The following ABTB3 variants were observed in gnomAD, a reference collection of about 807,000 sequenced individuals.
ABTB3 encodes ankyrin repeat- and BTB/POZ domain-containing protein 3.
At chr12:107,377,944 G>T in the ABTB3 span, among the ~76,000 whole-genome samples, 1 of 152,142 alleles carries the variant, frequency 6.6e-6, no homozygotes, top group South Asian at 2.1e-4. Flanking sequence ...CACACTTGAC[G>T]CTCAAGAAGG....
chr12:107,490,577 C>T, the ABTB3 span, among the ~76,000 whole-genome samples: 12 of 152,150 alleles, frequency 7.9e-5, no homozygotes, highest in East Asian at 1.9e-3. Context: ...CCTAGGAATC[C>T]GACTGGAACA....
the ABTB3 span, among the ~76,000 whole-genome samples, chr12:107,394,703 C>A: frequency 6.6e-6 from 1 of 152,216 alleles, no homozygotes; most frequent in African/African-American, 2.4e-5. Context: ...GGTTGTTTTG[C>A]TATTTAAATA....
At chr12:107,449,047 C>T in the ABTB3 span, among the ~76,000 whole-genome samples, 1 of 152,228 alleles carries the variant, frequency 6.6e-6, no homozygotes, top group Non-Finnish European at 1.5e-5. Flanking sequence ...TGGCTGGAGC[C>T]AGGTGCCTGG....
the ABTB3 span, chr12:107,580,763 G>A: frequency 7.0e-7 from 1 of 1,426,914 alleles, no homozygotes; most frequent in Non-Finnish European, 9.3e-7. Context: ...AACACGGGGC[G>A]CTGATTGGTT....
At chr12:107,564,090 C>CTGTGTG in the ABTB3 span, among the ~76,000 whole-genome samples, 7,261 of 126,108 alleles carry the variant, frequency 0.058, 231 homozygotes, top group South Asian at 0.07. Flanking sequence ...ATCTATCTCT[C>CTGTGTG]TGTGTGTGTG....
chr12:107,497,658 T>C, the ABTB3 span, among the ~76,000 whole-genome samples: 1 of 152,188 alleles, frequency 6.6e-6, no homozygotes, highest in Admixed American at 6.5e-5. Context: ...TTCTGTTGGA[T>C]GATGGATGAT....
chr12:107,515,824 A>G, the ABTB3 span, among the ~76,000 whole-genome samples: 1 of 152,156 alleles, frequency 6.6e-6, no homozygotes, highest in Admixed American at 6.5e-5. Context: ...GAAATGGTGA[A>G]TCTGTGTCAT....
the ABTB3 span, among the ~76,000 whole-genome samples, chr12:107,541,867 A>G: frequency 6.6e-6 from 1 of 152,052 alleles, no homozygotes; most frequent in Non-Finnish European, 1.5e-5. Flanking sequence ...GCGACATGCA[A>G]TTTACTCATG....
the ABTB3 span, among the ~76,000 whole-genome samples, chr12:107,567,800 T>C: frequency 3.9e-5 from 6 of 152,222 alleles, no homozygotes; most frequent in Non-Finnish European, 8.8e-5. Flanking sequence ...ATCTAATGCC[T>C]GATGATCTGA....
chr12:107,373,722 G>A, the ABTB3 span, among the ~76,000 whole-genome samples: 5 of 152,202 alleles, frequency 3.3e-5, no homozygotes, highest in African/African-American at 1.2e-4. Context: ...ACACAGCCAG[G>A]AAGTGATGGA....
At chr12:107,379,068 T>G in the ABTB3 span, among the ~76,000 whole-genome samples, 2 of 152,354 alleles carry the variant, frequency 1.3e-5, no homozygotes, top group African/African-American at 4.8e-5. Flanking sequence ...CTGAATGACC[T>G]TAGGCAATTT....
chr12:107,496,264 C>T, the ABTB3 span, among the ~76,000 whole-genome samples: 5 of 152,284 alleles, frequency 3.3e-5, no homozygotes, highest in Admixed American at 3.3e-4. Context: ...TCCCAGCACT[C>T]CCACCAGGTG....
At chr12:107,463,195 T>C in the ABTB3 span, among the ~76,000 whole-genome samples, 1 of 150,718 alleles carries the variant, frequency 6.6e-6, no homozygotes, top group South Asian at 2.1e-4. Flanking sequence ...TGGGTGATGA[T>C]GATGTAGTGA....
the ABTB3 span, among the ~76,000 whole-genome samples, chr12:107,331,430 T>G: frequency 2.6e-5 from 4 of 152,268 alleles, no homozygotes; most frequent in South Asian, 8.3e-4. Context: ...GAGTGTTTGA[T>G]GGGGACAAAG....
chr12:107,446,538 C>T, the ABTB3 span, among the ~76,000 whole-genome samples: 1 of 152,106 alleles, frequency 6.6e-6, no homozygotes, highest in Non-Finnish European at 1.5e-5. Context: ...CACTTTCTCC[C>T]CTGTGTCCCT....
the ABTB3 span, among the ~76,000 whole-genome samples, chr12:107,490,081 T>C: frequency 6.6e-6 from 1 of 152,200 alleles, no homozygotes; most frequent in South Asian, 2.1e-4. Flanking sequence ...GCTCCACTCA[T>C]AGGTGGATCT....
At chr12:107,376,361 T>G in the ABTB3 span, among the ~76,000 whole-genome samples, 2 of 152,278 alleles carry the variant, frequency 1.3e-5, no homozygotes, top group Admixed American at 6.5e-5. Flanking sequence ...GAGTATATAT[T>G]TGATGAATGG....
the ABTB3 span, among the ~76,000 whole-genome samples, chr12:107,530,735 T>A: frequency 6.6e-6 from 1 of 152,246 alleles, no homozygotes; most frequent in Non-Finnish European, 1.5e-5. Flanking sequence ...GTTTATTTAA[T>A]CATGTTTTTT....
chr12:107,600,408 A>G, the ABTB3 span, among the ~76,000 whole-genome samples: 1 of 152,268 alleles, frequency 6.6e-6, no homozygotes, highest in East Asian at 1.9e-4. Context: ...TGATTATGAT[A>G]TTAACTATAG....
Sources: allele counts gnomAD v4.1 joint callset (sites outside exome capture counted in the v4.1 genomes callset), GRCh38; gene constraint gnomAD v4.1.1; transcripts MANE v1.5; gene names NCBI Gene and HGNC (gene_info 2026-07-23, HGNC 2026-07-21).